ZBTB7C: variants seen among roughly 807,000 people sequenced by gnomAD.
ZBTB7C encodes the protein zinc finger and BTB domain-containing protein 7C.
In ZBTB7C, 8 loss-of-function variants were observed where a neutral mutation model predicts 25.7. The observed-to-expected ratio is 0.31, with a 90% CI of 0.18 to 0.56. The LOEUF is 0.56. Ranked by LOEUF, ZBTB7C falls within the 20% of genes least tolerant of loss-of-function variation. The pLI is 0.91. For synonymous variants in ZBTB7C, 394 were observed against 369.0 expected (o/e 1.07, Z -0.78); for missense variants, 824 against 855.2 (o/e 0.96, Z 0.46).
intron 3 of ZBTB7C, among the ~76,000 whole-genome samples, chr18:48,102,888 A>G (rs933638620): frequency 6.6e-6 from 1 of 151,904 alleles, no homozygotes; most frequent in Non-Finnish European, 1.5e-5. Context: ...AAGGGAAGCC[A>G]GCCTTTCAAA....
intron 3 of ZBTB7C, among the ~76,000 whole-genome samples, chr18:48,137,835 C>T (rs2040223398): frequency 1.3e-5 from 2 of 152,328 alleles, no homozygotes; most frequent in African/African-American, 4.8e-5. Context: ...TGGGGTGGGC[C>T]AGCCACCAAT....
intron 3 of ZBTB7C, among the ~76,000 whole-genome samples, chr18:48,113,850 C>T (rs2039331789): frequency 6.6e-6 from 1 of 152,220 alleles, no homozygotes; most frequent in Non-Finnish European, 1.5e-5. Flanking sequence ...AAGCAGGCTA[C>T]ACACTAGTGC....
intron 1 of ZBTB7C, among the ~76,000 whole-genome samples, chr18:48,369,830 T>C (rs1321455669): frequency 6.6e-6 from 1 of 152,004 alleles, no homozygotes; most frequent in Non-Finnish European, 1.5e-5. Context: ...TCACAACAAT[T>C]AATAAAACAA....
At position 48,091,754 on chromosome 18, in the gene ZBTB7C, G is replaced by C. The variant is rs1265082195; in HGVS notation, c.-16-50631C>G. ...ACAGGACCCTACTGATGTTTTCTGAGTTCTGGGCTGGAAGACTCTGCCCAT... is the reference window on the plus strand; with the variant it reads ...ACAGGACCCTACTGATGTTTTCTGACTTCTGGGCTGGAAGACTCTGCCCAT... On this transcript the variant is annotated intron_variant, in intron 3 of 4. Transcript: ENST00000590800. 2.0e-5 allele frequency among the ~76,000 whole-genome samples: 3 copies of C among 152,188 alleles called. No homozygotes were observed. In the East Asian group the frequency reaches 5.8e-4, roughly 29 times the overall value.
intron 3 of ZBTB7C, among the ~76,000 whole-genome samples, chr18:48,047,727 C>G (rs1380567609): frequency 6.6e-6 from 1 of 152,170 alleles, no homozygotes; most frequent in Non-Finnish European, 1.5e-5. Flanking sequence ...GTGCTCCCCT[C>G]TCTCCCTACC....
At chr18:48,339,457 A>C (rs1012480903) in intron 1 of ZBTB7C, among the ~76,000 whole-genome samples, 21 of 152,358 alleles carry the variant, frequency 1.4e-4, no homozygotes, top group African/African-American at 3.8e-4. Flanking sequence ...CTGCTTTTGC[A>C]TCCATTGGGG....
At chr18:48,165,174 G>A (rs1433205793) in intron 3 of ZBTB7C, 1 of 1,274,022 alleles carries the variant, frequency 7.8e-7, no homozygotes, top group Non-Finnish European at 1.0e-6. Context: ...GTCCAGGAAG[G>A]GGAGGGTTCT....
intron 3 of ZBTB7C, among the ~76,000 whole-genome samples, chr18:48,100,913 T>TG (rs984233998): frequency 1.1e-4 from 3 of 27,776 alleles, no homozygotes; most frequent in Non-Finnish European, 1.8e-4. Flanking sequence ...AGGGGACTGG[T>TG]GGGGGGGCTG....
At position 48,056,125 on chromosome 18, in the gene ZBTB7C, A is replaced by C. The variant is rs537028893; in HGVS notation, c.-16-15002T>G. Among the ~76,000 whole-genome samples, 4 of 152,374 alleles carry C rather than the reference A, an allele frequency of 2.6e-5. No individual in the cohort carries two copies. The East Asian group carries it at 7.7e-4, about 29-fold the overall frequency. ...AGTTCAGAAGTATATTAGGGACCCCACTGACTTGGCAACAAAAATAGAAAC... is the reference window on the plus strand; with the variant it reads ...AGTTCAGAAGTATATTAGGGACCCCCCTGACTTGGCAACAAAAATAGAAAC... On this transcript the variant is annotated intron_variant, in intron 3 of 4. Coordinates refer to ENST00000590800, the MANE Select transcript of ZBTB7C (RefSeq NM_001318841.2).
chr18:48,147,087 T>G (rs1218695833), intron 3 of ZBTB7C, among the ~76,000 whole-genome samples: 1 of 152,230 alleles, frequency 6.6e-6, no homozygotes, highest in Non-Finnish European at 1.5e-5. Flanking sequence ...TATTAATTTA[T>G]TGTTTTTGAG....
intron 3 of ZBTB7C, 193 bp from the exon 4 acceptor site, chr18:48,041,316 G>A (rs914986306): frequency 5.1e-6 from 5 of 985,264 alleles, no homozygotes; most frequent in Non-Finnish European, 6.0e-6. Flanking sequence ...GCTTTTCTCT[G>A]GACCCCTAAG....
intron 2 of ZBTB7C, among the ~76,000 whole-genome samples, chr18:48,249,899 AC>A (rs2043799218): frequency 6.6e-6 from 1 of 152,246 alleles, no homozygotes; most frequent in South Asian, 2.1e-4. Context: ...AAGATGGAAC[AC>A]TAAGGCTAGA....
chr18:48,355,568 C>T (rs955286529), intron 1 of ZBTB7C, among the ~76,000 whole-genome samples: 1 of 152,212 alleles, frequency 6.6e-6, no homozygotes, highest in Admixed American at 6.5e-5. Flanking sequence ...CTGCTCGGGG[C>T]TTCCCAGCCT....
At chr18:48,128,431 A>G (rs933922559) in intron 3 of ZBTB7C, among the ~76,000 whole-genome samples, 58 of 152,248 alleles carry the variant, frequency 3.8e-4, no homozygotes, top group African/African-American at 1.4e-3. Flanking sequence ...CCGGTTCACA[A>G]TTGTAAAGAT....
chr18:48,270,259 T>C (rs1019068356), intron 2 of ZBTB7C, among the ~76,000 whole-genome samples: 5 of 140,958 alleles, frequency 3.5e-5, no homozygotes, highest in African/African-American at 7.8e-5. Flanking sequence ...CTTTCTTTTT[T>C]TTTTTTTTTT....
At chr18:48,155,318 CTTTTTTTT>C (rs578058729) in intron 3 of ZBTB7C, among the ~76,000 whole-genome samples, 2 of 78,004 alleles carry the variant, frequency 2.6e-5, no homozygotes, top group South Asian at 5.4e-4. Context: ...CTGTAATATT[CTTTTTTTT>C]TTTTTTTTTT....
chr18:48,281,570 G>C (rs1438630302), intron 2 of ZBTB7C, among the ~76,000 whole-genome samples: 1 of 152,072 alleles, frequency 6.6e-6, no homozygotes, highest in African/African-American at 2.4e-5. Flanking sequence ...ATCTGACAAA[G>C]GGCTAATATC....
At chr18:48,065,688 G>A (rs1171002291) in intron 3 of ZBTB7C, among the ~76,000 whole-genome samples, 2 of 152,206 alleles carry the variant, frequency 1.3e-5, no homozygotes, top group African/African-American at 4.8e-5. Context: ...AGCCCTCTGG[G>A]ATACAAGCCT....
chr18:48,139,979 A>G lies in ZBTB7C; in HGVS notation c.-17+45955T>C, dbSNP rs1293284364. On this transcript the variant is annotated intron_variant, in intron 3 of 4. Transcript: ENST00000590800. ...CTCTGGCTCCCCGCCTTCCCGGTTC[A>G]GGTCAGCCAGAGCACGTGGAAGCCC... Among the ~76,000 whole-genome samples the G allele has an allele frequency of 6.6e-5, 10 of 152,178 alleles. No individual in the cohort carries two copies. In the East Asian group the frequency reaches 1.9e-3, roughly 30 times the overall value.
Sources: gnomAD v4.1 joint callset for allele counts (sites outside exome capture counted in the v4.1 genomes callset) on GRCh38, gnomAD v4.1.1 for gene constraint, MANE v1.5 for transcripts, NCBI Gene and HGNC (gene_info 2026-07-23, HGNC 2026-07-21) for gene names.